Variants in FCHSD2 observed in about 807,000 individuals in gnomAD.
FCHSD2 encodes F-BAR and double SH3 domains protein 2.
In FCHSD2, 38 loss-of-function variants were observed where a neutral mutation model predicts 108.1. The ratio of observed to expected loss-of-function variants is 0.35; its 90% CI spans 0.27 to 0.46. FCHSD2 has a LOEUF of 0.46. Ranked by LOEUF, FCHSD2 falls within the 20% of genes least tolerant of loss-of-function variation. The pLI, the probability that FCHSD2 is intolerant of heterozygous loss-of-function variation, is 1.00. For missense variants in FCHSD2, 751 were observed against 897.8 expected, an observed-to-expected ratio of 0.84 and a Z score of 2.09; for synonymous variants, 279 against 314.7, an observed-to-expected ratio of 0.89 and a Z score of 1.20.
Position 72,836,948 on chromosome 11 carries a change from T to A in FCHSD2, c.*1843A>T, listed in dbSNP as rs1328671961. 1 of 152,540 alleles carries A rather than the reference T, an allele frequency of 6.6e-6. No individual in the cohort carries two copies. Among genetic ancestry groups the A allele is most frequent in the African/African-American group, 2.4e-5 (1 of 41,418 alleles). 9.4% of individuals were successfully genotyped at this position (152,540 alleles called of 1,614,324 possible). Reference sequence around the variant, plus strand: ...ACAACTTTGTTTTTTAAAATAAAATTAGCAGCTCTTCCAAAAAATATTTTA... The same window carrying A: ...ACAACTTTGTTTTTTAAAATAAAATAAGCAGCTCTTCCAAAAAATATTTTA... On this transcript the variant is annotated 3_prime_UTR_variant, in exon 20 of 20. Transcript: ENST00000409418.
intron 12 of FCHSD2, among the ~76,000 whole-genome samples, chr11:72,884,796 T>C (rs983179724): frequency 6.6e-6 from 1 of 152,014 alleles, no homozygotes; most frequent in Admixed American, 6.6e-5. Context: ...ATGTCTCATC[T>C]GTTGCCCAGG....
chr11:72,920,708 T>A (rs1855961725), intron 9 of FCHSD2, among the ~76,000 whole-genome samples: 1 of 152,228 alleles, frequency 6.6e-6, no homozygotes, highest in South Asian at 2.1e-4. Flanking sequence ...ATATATACAT[T>A]AAAATCAAAC....
rs1300449838 is a variant in FCHSD2 at position 72,837,665 on chromosome 11, A to C, written c.*1126T>G. On this transcript the variant is annotated 3_prime_UTR_variant, in exon 20 of 20. Transcript: ENST00000409418. ...AGAAGACACTTGTCTTTTCCTGGTC[A>C]ATCTGTACTTGTGCAGGGTGCGCAA... The C allele has an allele frequency of 6.6e-6, 1 of 152,190 alleles. No homozygotes were observed. Among genetic ancestry groups the C allele is most frequent in the Non-Finnish European group, 1.5e-5 (1 of 68,042 alleles). The allele number at this position is 152,190 out of a possible 1,614,324, so 9.4% of individuals were successfully genotyped here. A position where few individuals can be genotyped will look rare whatever the true frequency, so the allele number is the denominator to read the frequency against.
intron 5 of FCHSD2, among the ~76,000 whole-genome samples, chr11:72,994,376 A>G (rs114705375): frequency 6.6e-6 from 1 of 152,150 alleles, no homozygotes; most frequent in Admixed American, 6.5e-5. Context: ...AAACGACTCT[A>G]TGAAAAAGGT....
chr11:72,967,542 A>C (rs550994795), intron 8 of FCHSD2, among the ~76,000 whole-genome samples: 13 of 152,348 alleles, frequency 8.5e-5, no homozygotes, highest in African/African-American at 3.1e-4. Context: ...GATTCCATTT[A>C]TATGAAATGA....
intron 4 of FCHSD2, among the ~76,000 whole-genome samples, chr11:73,009,937 T>A (rs535590195): frequency 6.6e-6 from 1 of 152,330 alleles, no homozygotes; most frequent in East Asian, 1.9e-4. Context: ...TATCTGGATG[T>A]CTAAATCTCG....
chr11:72,843,081 G>A, intron 16 of FCHSD2, 70 bp downstream of exon 16: 1 of 1,457,322 alleles, frequency 6.9e-7, no homozygotes, highest in Non-Finnish European at 9.5e-7. Context: ...TCCTACTGAA[G>A]GCTTACTCCA....
chr11:72,955,751 GT>G (rs1856700312), intron 8 of FCHSD2, among the ~76,000 whole-genome samples: 1 of 152,230 alleles, frequency 6.6e-6, no homozygotes, highest in South Asian at 2.1e-4. Context: ...AGGAACTGGG[GT>G]CAGAGACCAA....
At chr11:73,140,224 C>G in intron 1 of FCHSD2, 96 bp from the exon 2 acceptor site, 1 of 611,740 alleles carries the variant, frequency 1.6e-6, no homozygotes, top group Non-Finnish European at 2.8e-6. Flanking sequence ...GTCTCTTGCT[C>G]GCCTCTCCCC....
At chr11:72,897,370 CT>C (rs1020659513) in intron 10 of FCHSD2, among the ~76,000 whole-genome samples, 5 of 146,820 alleles carry the variant, frequency 3.4e-5, no homozygotes, top group African/African-American at 7.5e-5. Flanking sequence ...CATGTACAGA[CT>C]TTTTTTCTTT....
Position 72,836,751 on chromosome 11 carries a change from C to T in FCHSD2, c.*2040G>A, listed in dbSNP as rs1860740457. The stretch of plus-strand genomic sequence containing the variant: ...TATTAAAACTTAGAAAACATAATTC[C>T]ATTTTTTTTATTATTCAACATTTTA... On this transcript the variant is annotated 3_prime_UTR_variant, in exon 20 of 20. Transcript: ENST00000409418. 2.0e-5 allele frequency: 3 copies of T among 152,598 alleles called. No individual in the cohort carries two copies. In the South Asian group the frequency reaches 6.2e-4, roughly 32 times the overall value. 9.5% of individuals were successfully genotyped at this position (152,598 alleles called of 1,614,324 possible).
chr11:72,924,504 G>A (rs909867663), intron 8 of FCHSD2, among the ~76,000 whole-genome samples: 1 of 149,404 alleles, frequency 6.7e-6, no homozygotes, highest in African/African-American at 2.5e-5. Flanking sequence ...GGATGGTCTC[G>A]ATCTCCTGAT....
intron 2 of FCHSD2, among the ~76,000 whole-genome samples, chr11:73,111,702 G>C (rs182862834): frequency 1.3e-4 from 19 of 151,788 alleles, no homozygotes; most frequent in Admixed American, 1.2e-3. Flanking sequence ...TTTAGTGAAG[G>C]TGATTTTCTC....
intron 3 of FCHSD2, among the ~76,000 whole-genome samples, chr11:73,073,548 C>T (rs1303536705): frequency 6.6e-6 from 1 of 152,072 alleles, no homozygotes; most frequent in Admixed American, 6.6e-5. Context: ...ACGATCAATC[C>T]CACTTGAATT....
chr11:73,077,114 G>A (rs373572752), intron 3 of FCHSD2, among the ~76,000 whole-genome samples: 303 of 117,632 alleles, frequency 2.6e-3, no homozygotes, highest in Middle Eastern at 0.02. Context: ...AAAAAAAAAA[G>A]AAAAAGAAAA....
intron 3 of FCHSD2, among the ~76,000 whole-genome samples, chr11:73,055,419 G>C (rs886595540): frequency 6.6e-5 from 10 of 151,930 alleles, no homozygotes; most frequent in African/African-American, 2.4e-4. Context: ...TGGCAGAGCT[G>C]CCACTTTCTA....
At chr11:72,959,218 G>GTTTTT (rs1565342294) in intron 8 of FCHSD2, among the ~76,000 whole-genome samples, 6 of 61,564 alleles carry the variant, frequency 9.7e-5, no homozygotes, top group African/African-American at 1.3e-4. Flanking sequence ...ATATCCAGCA[G>GTTTTT]TCTTTTTTTT....
intron 3 of FCHSD2, among the ~76,000 whole-genome samples, chr11:73,023,123 C>G (rs2135441627): frequency 6.6e-6 from 1 of 152,166 alleles, no homozygotes; most frequent in South Asian, 2.1e-4. Context: ...AAGAAAATCT[C>G]CTTGACCTTT....
At chr11:72,952,979 A>G (rs947308073) in intron 8 of FCHSD2, among the ~76,000 whole-genome samples, 2 of 151,920 alleles carry the variant, frequency 1.3e-5, no homozygotes, top group Admixed American at 6.6e-5. Flanking sequence ...AAACACAACT[A>G]CTCCTCTATG....
Sources: allele counts gnomAD v4.1 joint callset (sites outside exome capture counted in the v4.1 genomes callset), GRCh38; gene constraint gnomAD v4.1.1; transcripts MANE v1.5; gene names NCBI Gene and HGNC (gene_info 2026-07-23, HGNC 2026-07-21).